Variants in LNPEP observed in about 807,000 individuals in gnomAD.
The protein encoded by LNPEP is leucyl and cystinyl aminopeptidase.
Under a neutral mutation model 120.6 loss-of-function variants are expected in LNPEP, and 64 were observed. The observed-to-expected ratio is 0.53, with a 90% CI of 0.43 to 0.65. LNPEP has a LOEUF of 0.65. Among genes scored for constraint, LNPEP ranks in the 30% least tolerant of loss-of-function variants. LNPEP has a pLI of 0.00. For synonymous variants in LNPEP, 435 were observed against 425.4 expected, an observed-to-expected ratio of 1.02 and a Z score of -0.28; for missense variants, 1,057 against 1,200.0, an observed-to-expected ratio of 0.88 and a Z score of 1.76.
rs1160402498 is a variant in LNPEP at position 96,954,772 on chromosome 5, A to ATTTTTTTTT, written c.19+18618_19+18626dup. 3.7e-4 allele frequency among the ~76,000 whole-genome samples: 10 copies of ATTTTTTTTT among 27,108 alleles called. 2 individuals carry two copies. Among genetic ancestry groups the ATTTTTTTTT allele is most frequent in the Non-Finnish European group, 6.8e-4 (10 of 14,726 alleles). The allele number at this position is 27,108 out of a possible 152,430, so 17.8% of individuals were successfully genotyped here. Reference sequence around the variant, plus strand: ...CACATATATATATATATATATATATATTTTTTTTTTTTTTTTTTTTTTTTT... The same window carrying ATTTTTTTTT: ...CACATATATATATATATATATATATATTTTTTTTTTTTTTTTTTTTTTTTTTTTTTTTTT... On this transcript the variant is annotated intron_variant, in intron 1 of 17. Coordinates refer to ENST00000231368, the MANE Select transcript of LNPEP (RefSeq NM_005575.3).
intron 8 of LNPEP, among the ~76,000 whole-genome samples, chr5:96,998,755 CTA>C (rs1345866668): frequency 2.0e-5 from 3 of 152,074 alleles, no homozygotes; most frequent in Non-Finnish European, 2.9e-5. Context: ...GAGATACAGT[CTA>C]TGTCATCAAG....
chr5:97,028,460 A>C lies in LNPEP; in HGVS notation c.3005A>C (p.Glu1002Ala), dbSNP rs1791397571. ...ACCTTCCGGCTTCGTTGTGTCCAGG[A>C]GGCTTTGGAAGTCATTCAGTTGAAT... ...EATFRLRCVQ[E>A]ALEVIQLNIQ... Residue 1002 changes from glutamate to alanine, a missense_variant, in exon 18 of 18, where the codon GAG becomes GCG. By Grantham distance (107) the Glu-to-Ala change is moderately radical (BLOSUM62 -1). Coordinates refer to ENST00000231368, the MANE Select transcript of LNPEP (RefSeq NM_005575.3). 1.2e-6 allele frequency: 2 copies of C among 1,613,956 alleles called. No individual in the cohort carries two copies. The highest frequency in any genetic ancestry group is 1.7e-6 in the Non-Finnish European group (2 of 1,179,816).
intron 1 of LNPEP, among the ~76,000 whole-genome samples, chr5:96,941,377 G>GCC (rs1389539774): frequency 6.6e-6 from 1 of 152,196 alleles, no homozygotes; most frequent in Non-Finnish European, 1.5e-5. Flanking sequence ...TTGGGGTTGG[G>GCC]CAAACCTACT....
intron 1 of LNPEP, among the ~76,000 whole-genome samples, chr5:96,941,503 G>A (rs917361586): frequency 2.6e-5 from 4 of 152,076 alleles, no homozygotes; most frequent in South Asian, 2.1e-4. Flanking sequence ...ATTTGAATCC[G>A]TAGATAAATT....
chr5:96,988,344 T>C (rs1204429787), intron 4 of LNPEP, among the ~76,000 whole-genome samples: 6 of 146,562 alleles, frequency 4.1e-5, no homozygotes, highest in African/African-American at 1.5e-4. Flanking sequence ...CTTTTCTTTT[T>C]TTTTTTTTTT....
chr5:96,994,316 A>ATC (rs1790457051), intron 6 of LNPEP, among the ~76,000 whole-genome samples: 1 of 152,200 alleles, frequency 6.6e-6, no homozygotes, highest in South Asian at 2.1e-4. Context: ...AAGAGCCACT[A>ATC]TCTCTTCAAG....
intron 11 of LNPEP, among the ~76,000 whole-genome samples, chr5:97,006,734 A>T (rs1418406169): frequency 6.6e-6 from 1 of 152,242 alleles, no homozygotes; most frequent in Non-Finnish European, 1.5e-5. Flanking sequence ...CAGAGAATGT[A>T]CTGGCATTCC....
chr5:96,937,013 G>C (rs770950520), intron 1 of LNPEP: 1 of 152,158 alleles, frequency 6.6e-6, no homozygotes, highest in East Asian at 1.9e-4. Context: ...ACAATATAGG[G>C]GTGAGATGTC....
chr5:97,016,755 T>A (rs980475562), intron 13 of LNPEP, among the ~76,000 whole-genome samples: 1 of 152,140 alleles, frequency 6.6e-6, no homozygotes, highest in Non-Finnish European at 1.5e-5. Context: ...AAAATGCTAA[T>A]AATGACTTTT....
chr5:96,994,944 C>G (rs1370968787), intron 6 of LNPEP, among the ~76,000 whole-genome samples: 1 of 152,138 alleles, frequency 6.6e-6, no homozygotes, highest in African/African-American at 2.4e-5. Context: ...CCCGTCTCTA[C>G]TAAAAATACA....
At position 97,029,723 on chromosome 5, in the gene LNPEP, T is replaced by TA. The variant is rs1554071705; in HGVS notation, c.*1195dup. 1 of 152,176 alleles carries TA rather than the reference T, an allele frequency of 6.6e-6. No homozygotes were observed. The highest frequency in any genetic ancestry group is 1.5e-5 in the Non-Finnish European group (1 of 68,012). 9.4% of individuals were successfully genotyped at this position (152,176 alleles called of 1,614,324 possible). A position where few individuals can be genotyped will look rare whatever the true frequency, so the allele number is the denominator to read the frequency against. Reference sequence around the variant, plus strand: ...ATCAAAAATAGTGCTTTTGTTTAGTTAAAAATTGTAGTTTTTCTTTTTTTG... The same window carrying TA: ...ATCAAAAATAGTGCTTTTGTTTAGTTAAAAAATTGTAGTTTTTCTTTTTTTG... On this transcript the variant is annotated 3_prime_UTR_variant, in exon 18 of 18. Transcript: ENST00000231368.
chr5:96,954,770 ATATTTTTT>A (rs1156389990), intron 1 of LNPEP, among the ~76,000 whole-genome samples: 6 of 29,490 alleles, frequency 2.0e-4, no homozygotes, highest in African/African-American at 3.9e-4. Context: ...ATATATATAT[ATATTTTTT>A]TTTTTTTTTT....
chr5:96,944,654 C>T (rs966868665), intron 1 of LNPEP, among the ~76,000 whole-genome samples: 2 of 146,306 alleles, frequency 1.4e-5, no homozygotes, highest in South Asian at 2.3e-4. Context: ...CTGCAAACTC[C>T]GCCGCCCAGG....
chr5:96,970,989 T>C (rs1016751827), intron 1 of LNPEP, among the ~76,000 whole-genome samples: 3 of 152,134 alleles, frequency 2.0e-5, no homozygotes, highest in Non-Finnish European at 4.4e-5. Context: ...TTCCGTCTGG[T>C]AGTAGTTCCC....
Position 96,958,515 on chromosome 5 carries a change from G to C in LNPEP, c.20-20623G>C, listed in dbSNP as rs886189834. Reference sequence around the variant, plus strand: ...CCATGAATGTCAGGCATGTTGTGGGGACTAGTTGTATTAGTTTTCTATTGC... The same window carrying C: ...CCATGAATGTCAGGCATGTTGTGGGCACTAGTTGTATTAGTTTTCTATTGC... On this transcript the variant is annotated intron_variant, in intron 1 of 17. Coordinates refer to ENST00000231368, the MANE Select transcript of LNPEP (RefSeq NM_005575.3). The C allele has an allele frequency of 6.1e-6, 6 of 984,466 alleles. No homozygotes were observed. In the East Asian group the frequency reaches 6.7e-4, roughly 110 times the overall value. The allele number at this position is 984,466 out of a possible 1,614,324, so 61.0% of individuals were successfully genotyped here.
chr5:97,013,126 CA>C (rs1203796449), intron 11 of LNPEP, among the ~76,000 whole-genome samples: 1 of 152,088 alleles, frequency 6.6e-6, no homozygotes, highest in Non-Finnish European at 1.5e-5. Flanking sequence ...GCATGGATAA[CA>C]TGTATACTTT....
At chr5:96,970,705 T>C (rs559483180) in intron 1 of LNPEP, among the ~76,000 whole-genome samples, 1 of 152,168 alleles carries the variant, frequency 6.6e-6, no homozygotes, top group South Asian at 2.1e-4. Flanking sequence ...TTTTTCAGTG[T>C]TTCTTCTAGG....
chr5:96,979,228 A>G lies in LNPEP; in HGVS notation c.110A>G (p.His37Arg), dbSNP rs375647311. Residue 37 changes from histidine to arginine, a missense_variant, in exon 2 of 18, where the codon CAT becomes CGT. Physicochemically the swap from His to Arg is conservative, Grantham distance 29 (BLOSUM62 0). Coordinates refer to ENST00000231368, the MANE Select transcript of LNPEP (RefSeq NM_005575.3). ...GATTTAGCCAAAGAGCCTTGTTTAC[A>G]TCCTCTAGAGCCTGATGAGGTGGAA... The part of the protein sequence containing the change: ...VVDLAKEPCL[H>R]PLEPDEVEYE... The G allele has an allele frequency of 1.2e-6, 2 of 1,613,820 alleles. No individual in the cohort carries two copies.
chr5:97,002,379 GTT>G (rs1178434247), intron 8 of LNPEP, among the ~76,000 whole-genome samples: 3 of 152,136 alleles, frequency 2.0e-5, no homozygotes, highest in African/African-American at 7.2e-5. Flanking sequence ...CATCGTTTTT[GTT>G]TTGTTAATGG....
Sources: allele counts gnomAD v4.1 joint callset (sites outside exome capture counted in the v4.1 genomes callset), GRCh38; gene constraint gnomAD v4.1.1; transcripts MANE v1.5; gene names NCBI Gene and HGNC (gene_info 2026-07-23, HGNC 2026-07-21).